The following SYTL5 variants were observed in gnomAD, a reference collection of about 807,000 sequenced individuals.
SYTL5 encodes synaptotagmin like 5, also known as synaptotagmin-like protein 5.
In SYTL5, 34 loss-of-function variants were observed where a neutral mutation model predicts 55.9. The observed-to-expected ratio is 0.61, with a 90% CI of 0.46 to 0.81. SYTL5 has a LOEUF of 0.81. Ranked by LOEUF, SYTL5 falls within the 30% of genes least tolerant of loss-of-function variation. The probability of loss-of-function intolerance (pLI) is 0.00; values close to 1 mark genes in which losing one functional copy is unlikely to be tolerated. For missense variants in SYTL5, 637 were observed against 546.7 expected (o/e 1.17, Z -1.65); for synonymous variants, 221 against 188.7 (o/e 1.17, Z -1.40).
the SYTL5 span, among the ~76,000 whole-genome samples, chrX:37,979,335 A>G: frequency 9.2e-6 from 1 of 108,810 alleles, no homozygotes; most frequent in African/African-American, 3.4e-5. Flanking sequence ...CTCACTTTAC[A>G]TAAGATAAGG....
At chrX:37,921,641 G>A in the SYTL5 span, among the ~76,000 whole-genome samples, 28 of 111,453 alleles carry the variant, frequency 2.5e-4, no homozygotes, top group African/African-American at 7.8e-4. Context: ...TATAATATGG[G>A]TATGTTACTT....
intron 7 of SYTL5, among the ~76,000 whole-genome samples, chrX:38,090,466 A>C (rs1353853829): frequency 2.7e-5 from 3 of 112,365 alleles, no homozygotes; most frequent in Non-Finnish European, 5.6e-5. Context: ...ATTCTCTTTT[A>C]TTAAATATTC....
chrX:38,096,590 A>G (rs767577752), intron 9 of SYTL5, among the ~76,000 whole-genome samples: 1 of 111,493 alleles, frequency 9.0e-6, no homozygotes, highest in South Asian at 3.7e-4. Flanking sequence ...CAACATTGCT[A>G]TATCTCAAGT....
intron 13 of SYTL5, among the ~76,000 whole-genome samples, chrX:38,114,122 A>C (rs1437444431): frequency 9.0e-6 from 1 of 111,558 alleles, no homozygotes. Context: ...GGAAACCCTG[A>C]GTTGACACCT....
chrX:37,950,252 T>C, the SYTL5 span, among the ~76,000 whole-genome samples: 1 of 111,487 alleles, frequency 9.0e-6, no homozygotes, highest in Non-Finnish European at 1.9e-5. Flanking sequence ...TATATGCTTC[T>C]GGGACCCTTT....
the SYTL5 span, among the ~76,000 whole-genome samples, chrX:37,987,092 C>G: frequency 1.8e-5 from 2 of 111,629 alleles, no homozygotes; most frequent in African/African-American, 6.5e-5. Flanking sequence ...TTTATCTTAC[C>G]ACTTCTCTGA....
intron 6 of SYTL5, among the ~76,000 whole-genome samples, chrX:38,077,121 A>C (rs1452405836): frequency 1.8e-5 from 2 of 111,764 alleles, no homozygotes; most frequent in African/African-American, 6.5e-5. Context: ...CTTTTTCATA[A>C]ATTTCACTTC....
chrX:37,968,027 T>A, the SYTL5 span, among the ~76,000 whole-genome samples: 3 of 109,911 alleles, frequency 2.7e-5, no homozygotes, highest in Non-Finnish European at 5.7e-5. Context: ...ATTTTCTCTG[T>A]TGAAATTCTC....
the SYTL5 span, among the ~76,000 whole-genome samples, chrX:37,991,677 G>T: frequency 8.9e-6 from 1 of 111,882 alleles, no homozygotes; most frequent in East Asian, 2.8e-4. Context: ...GGATAGCAAA[G>T]GTCTGAAGTC....
At chrX:37,974,419 G>C in the SYTL5 span, among the ~76,000 whole-genome samples, 1 of 111,859 alleles carries the variant, frequency 8.9e-6, no homozygotes, top group South Asian at 3.7e-4. Flanking sequence ...GTTGCCATGG[G>C]CTGGGTGAAG....
chrX:37,935,379 C>A, the SYTL5 span, among the ~76,000 whole-genome samples: 4,747 of 111,958 alleles, frequency 0.042, 151 homozygotes, highest in African/African-American at 0.11. Context: ...GAAAGGACAC[C>A]AAACTGCTAC....
chrX:37,904,298 G>A, the SYTL5 span, among the ~76,000 whole-genome samples: 2 of 106,769 alleles, frequency 1.9e-5, no homozygotes, highest in South Asian at 9.0e-4. Context: ...GCAAGGTAGG[G>A]TTCGAGGAAA....
At chrX:37,971,221 C>T in the SYTL5 span, among the ~76,000 whole-genome samples, 1 of 105,854 alleles carries the variant, frequency 9.4e-6, no homozygotes, top group African/African-American at 3.5e-5. Flanking sequence ...TAAAGACCTT[C>T]TTTTTTTTTT....
At chrX:37,926,898 C>T in the SYTL5 span, among the ~76,000 whole-genome samples, 2 of 111,886 alleles carry the variant, frequency 1.8e-5, no homozygotes, top group Non-Finnish European at 3.8e-5. Flanking sequence ...CCAGTAGGTG[C>T]CAGTATTTGA....
chrX:38,085,109 A>G (rs984841520), intron 6 of SYTL5, among the ~76,000 whole-genome samples: 1 of 110,623 alleles, frequency 9.0e-6, no homozygotes, highest in Non-Finnish European at 1.9e-5. Flanking sequence ...AGAACAGCTT[A>G]GCTCTTTTCA....
chrX:37,998,435 C>T, the SYTL5 span, among the ~76,000 whole-genome samples: 59 of 112,060 alleles, frequency 5.3e-4, no homozygotes, highest in African/African-American at 1.8e-3. Context: ...CCATGTTTCC[C>T]GGTGCCAGCT....
chrX:37,915,537 C>T, the SYTL5 span, among the ~76,000 whole-genome samples: 4 of 111,914 alleles, frequency 3.6e-5, no homozygotes, highest in African/African-American at 6.5e-5. Context: ...CAAGATCTAA[C>T]GGTGGATCTA....
chrX:37,990,230 C>T, the SYTL5 span, among the ~76,000 whole-genome samples: 1 of 110,728 alleles, frequency 9.0e-6, no homozygotes, highest in Non-Finnish European at 1.9e-5. Flanking sequence ...GGGGTAAAAT[C>T]ATGACACTCA....
chrX:38,112,600 T>C (rs1193596754), intron 13 of SYTL5, among the ~76,000 whole-genome samples: 3 of 112,377 alleles, frequency 2.7e-5, no homozygotes, highest in African/African-American at 9.7e-5. Context: ...CTGTTCTATA[T>C]AGAAGAAAAG....
Sources: allele counts gnomAD v4.1 joint callset (sites outside exome capture counted in the v4.1 genomes callset), GRCh38; gene constraint gnomAD v4.1.1; transcripts MANE v1.5; gene names NCBI Gene and HGNC (gene_info 2026-07-23, HGNC 2026-07-21).